SDK1: variants seen among roughly 807,000 people sequenced by gnomAD.
SDK1 encodes sidekick cell adhesion molecule 1.
SDK1 carries 157 observed loss-of-function variants against 245.5 expected under a neutral mutation model. That is an observed-to-expected ratio of 0.64 (90% confidence interval 0.56 to 0.73). The LOEUF is 0.73. Among genes scored for constraint, SDK1 ranks in the 30% least tolerant of loss-of-function variants. The pLI is 0.00. For synonymous variants in SDK1, 1,647 were observed against 1,278.5 expected, an observed-to-expected ratio of 1.29 and a Z score of -6.15; for missense variants, 3,583 against 3,002.3, an observed-to-expected ratio of 1.19 and a Z score of -4.52.
At chr7:3,600,551 GTT>G (rs368644982) in intron 1 of SDK1, among the ~76,000 whole-genome samples, 3 of 109,052 alleles carry the variant, frequency 2.8e-5, no homozygotes, top group Non-Finnish European at 3.7e-5. Flanking sequence ...ATTAGATGTA[GTT>G]TTTTTTTTTT....
intron 4 of SDK1, among the ~76,000 whole-genome samples, chr7:3,808,051 G>T (rs187520230): frequency 1.7e-4 from 26 of 152,296 alleles, no homozygotes; most frequent in African/African-American, 6.0e-4. Flanking sequence ...AAGTGTCAGA[G>T]AAGGGACTCC....
intron 4 of SDK1, among the ~76,000 whole-genome samples, chr7:3,776,690 AAAG>A (rs1351928822): frequency 1.3e-5 from 2 of 152,186 alleles, no homozygotes; most frequent in Admixed American, 1.3e-4. Context: ...AGGAAAAAGA[AAAG>A]AAGATATTTT....
chr7:3,850,715 G>T (rs963071008), intron 5 of SDK1, among the ~76,000 whole-genome samples: 1 of 152,152 alleles, frequency 6.6e-6, no homozygotes, highest in Non-Finnish European at 1.5e-5. Context: ...TAGGGACATG[G>T]ATGAAGCTGG....
At chr7:3,537,920 T>C (rs1443490165) in intron 1 of SDK1, among the ~76,000 whole-genome samples, 1 of 152,110 alleles carries the variant, frequency 6.6e-6, no homozygotes, top group Non-Finnish European at 1.5e-5. Context: ...TACCCCAGAG[T>C]CTCCCTCTGC....
chr7:3,867,427 T>C (rs1780848174), intron 5 of SDK1, among the ~76,000 whole-genome samples: 1 of 152,184 alleles, frequency 6.6e-6, no homozygotes, highest in South Asian at 2.1e-4. Flanking sequence ...GATAAAGACA[T>C]ACCCGAGACT....
At chr7:4,210,901 A>G (rs1168766804) in intron 38 of SDK1, among the ~76,000 whole-genome samples, 1 of 152,166 alleles carries the variant, frequency 6.6e-6, no homozygotes, top group African/African-American at 2.4e-5. Flanking sequence ...AGGCTTAGGG[A>G]AGAGACCGGA....
intron 1 of SDK1, among the ~76,000 whole-genome samples, chr7:3,323,161 C>A (rs1562413755): frequency 6.6e-6 from 1 of 152,086 alleles, no homozygotes; most frequent in Non-Finnish European, 1.5e-5. Flanking sequence ...TAGCCCCCTT[C>A]CCCCACTCGA....
intron 1 of SDK1, among the ~76,000 whole-genome samples, chr7:3,497,348 A>T (rs1343517440): frequency 6.6e-6 from 1 of 152,210 alleles, no homozygotes; most frequent in Non-Finnish European, 1.5e-5. Context: ...TTTGTGGGAA[A>T]TGTCAAGCTA....
intron 4 of SDK1, among the ~76,000 whole-genome samples, chr7:3,689,269 C>T (rs558435050): frequency 1.3e-5 from 2 of 152,184 alleles, no homozygotes; most frequent in East Asian, 1.9e-4. Context: ...GATGATTCAC[C>T]TCTCCCACAA....
intron 4 of SDK1, among the ~76,000 whole-genome samples, chr7:3,790,471 C>T (rs181319208): frequency 9.2e-5 from 14 of 152,128 alleles, no homozygotes; most frequent in Middle Eastern, 3.4e-3. Flanking sequence ...AAATCAGAAG[C>T]GAATGGCCCA....
chr7:4,042,376 C>T (rs911942519), intron 17 of SDK1, among the ~76,000 whole-genome samples: 1 of 136,716 alleles, frequency 7.3e-6, no homozygotes, highest in Non-Finnish European at 1.5e-5. Flanking sequence ...TCTCCTTTCA[C>T]CTGTGATTAT....
rs1322971366 is a variant in SDK1, at chr7:3,474,466, G to A, written c.299-144614G>A. ...ACCAACCCCAGTATCTCACCACTCA[G>A]TCTCTCCCTCCAGTCCCTTGGCCTA... On this transcript the variant is annotated intron_variant, in intron 1 of 44. Coordinates refer to ENST00000404826, the MANE Select transcript of SDK1 (RefSeq NM_152744.4). 5.9e-5 allele frequency among the ~76,000 whole-genome samples: 9 copies of A among 151,918 alleles called. No homozygotes were observed. The East Asian group carries it at 1.7e-3, about 29-fold the overall frequency.
At chr7:4,188,208 C>T (rs976493220) in intron 35 of SDK1, among the ~76,000 whole-genome samples, 1 of 152,248 alleles carries the variant, frequency 6.6e-6, no homozygotes, top group Non-Finnish European at 1.5e-5. Context: ...CCTTTAGTTG[C>T]ATATCTGTCC....
chr7:3,583,103 A>T (rs567449829), intron 1 of SDK1, among the ~76,000 whole-genome samples: 1 of 152,252 alleles, frequency 6.6e-6, no homozygotes, highest in East Asian at 1.9e-4. Context: ...GATGTTGGAG[A>T]CCGGAGGTAT....
chr7:4,203,321 G>GC (rs1237600615), intron 35 of SDK1, among the ~76,000 whole-genome samples: 1 of 152,078 alleles, frequency 6.6e-6, no homozygotes, highest in Non-Finnish European at 1.5e-5. Context: ...GGCCGCAGAG[G>GC]CCCCCTGGCG....
At chr7:3,702,111 C>A (rs1310868054) in intron 4 of SDK1, among the ~76,000 whole-genome samples, 5 of 152,056 alleles carry the variant, frequency 3.3e-5, no homozygotes, top group Admixed American at 3.3e-4. Flanking sequence ...ACCAGAGACA[C>A]AGTCCATAAA....
At chr7:3,380,687 T>C (rs1270117858) in intron 1 of SDK1, among the ~76,000 whole-genome samples, 2 of 152,182 alleles carry the variant, frequency 1.3e-5, no homozygotes, top group Non-Finnish European at 2.9e-5. Context: ...AGACTGACTC[T>C]TTCTGTCTTC....
intron 1 of SDK1, among the ~76,000 whole-genome samples, chr7:3,362,171 A>G (rs1184906902): frequency 1.3e-5 from 2 of 152,168 alleles, no homozygotes; most frequent in African/African-American, 4.8e-5. Context: ...TCTAGATGAA[A>G]TTAACCCTGG....
At chr7:4,053,876 T>C (rs1779036813) in intron 19 of SDK1, among the ~76,000 whole-genome samples, 1 of 152,162 alleles carries the variant, frequency 6.6e-6, no homozygotes, top group South Asian at 2.1e-4. Context: ...TTTGTTTAAC[T>C]GATTTTGGCT....
Sources: allele counts gnomAD v4.1 joint callset (sites outside exome capture counted in the v4.1 genomes callset), GRCh38; gene constraint gnomAD v4.1.1; transcripts MANE v1.5; gene names NCBI Gene and HGNC (gene_info 2026-07-23, HGNC 2026-07-21).